The following ANKHD1 variants were observed in gnomAD, a reference collection of about 807,000 sequenced individuals.
ANKHD1 encodes the protein ankyrin repeat and KH domain containing 1, also known as ankyrin repeat and KH domain-containing protein 1.
In ANKHD1, 31 loss-of-function variants were observed where a neutral mutation model predicts 230.5. The observed-to-expected ratio is 0.13, with a 90% CI of 0.10 to 0.18. The LOEUF (loss-of-function observed/expected upper bound fraction) is 0.18. ANKHD1 is among the 10% of genes least tolerant of loss of function. The probability of loss-of-function intolerance (pLI) is 1.00; values close to 1 mark genes in which losing one functional copy is unlikely to be tolerated. For missense variants in ANKHD1, 2,256 were observed against 3,071.3 expected (o/e 0.73, Z 6.27); for synonymous variants, 1,074 against 1,117.6 (o/e 0.96, Z 0.78).
At chr5:140,463,736 A>T (rs1293446068) in intron 9 of ANKHD1, among the ~76,000 whole-genome samples, 1 of 151,756 alleles carries the variant, frequency 6.6e-6, no homozygotes, top group Non-Finnish European at 1.5e-5. Context: ...GCTCACTGTA[A>T]CCTCCGCCTA....
chr5:140,502,144 G>A (rs940285232), intron 15 of ANKHD1, among the ~76,000 whole-genome samples: 2 of 152,076 alleles, frequency 1.3e-5, no homozygotes, highest in African/African-American at 4.8e-5. Flanking sequence ...TCATTCAGAG[G>A]TAGGAAATAT....
In ANKHD1 at chr5:140,485,224, G is replaced by T; in HGVS notation, c.1974G>T (p.Gly658=). 1 of 1,613,620 alleles carries T rather than the reference G, an allele frequency of 6.2e-7. No individual in the cohort carries two copies. ...TTGTTGAGCTTCTCTTGGCTCATGG[G>T]GCTGACCCTACTCATCGACTCAAGG... ...LAVVELLLAH[G]ADPTHRLKDG... The change falls in exon 12 of 34, where the codon GGG becomes GGT. Residue 658 remains glycine, a synonymous_variant. Coordinates refer to ENST00000360839, the MANE Select transcript of ANKHD1 (RefSeq NM_017747.3). The surrounding 1 kb of genome is among the most constrained non-coding windows in gnomAD (Gnocchi z 4.8).
intron 1 of ANKHD1, among the ~76,000 whole-genome samples, chr5:140,429,470 A>G (rs957089524): frequency 3.9e-5 from 6 of 152,194 alleles, no homozygotes; most frequent in African/African-American, 1.4e-4. Flanking sequence ...CAAAATATAA[A>G]TTTATTTAAC....
At chr5:140,453,499 A>T (rs1032196223) in intron 7 of ANKHD1, among the ~76,000 whole-genome samples, 2 of 152,216 alleles carry the variant, frequency 1.3e-5, no homozygotes, top group African/African-American at 4.8e-5. Context: ...AACCCATCAG[A>T]CTAACAGCGG....
chr5:140,454,758 C>T (rs1775029777), intron 7 of ANKHD1, among the ~76,000 whole-genome samples: 1 of 152,110 alleles, frequency 6.6e-6, no homozygotes, highest in Non-Finnish European at 1.5e-5. Context: ...CAAGAGAAAA[C>T]AGGAAAGATC....
At chr5:140,418,587 T>G (rs1324890799) in intron 1 of ANKHD1, among the ~76,000 whole-genome samples, 2 of 152,224 alleles carry the variant, frequency 1.3e-5, no homozygotes, top group African/African-American at 4.8e-5. Context: ...TCATAATCAC[T>G]AATCCACTTT....
chr5:140,485,220 A>G lies in ANKHD1; in HGVS notation c.1970A>G (p.His657Arg). 6.2e-7 allele frequency: 1 copy of G among 1,613,866 alleles called. No homozygotes were observed. Among genetic ancestry groups the G allele is most frequent in the African/African-American group, 1.3e-5 (1 of 75,016 alleles). The change falls in exon 12 of 34, where the codon CAT (histidine) becomes CGT (arginine). Residue 657 changes from histidine to arginine, a missense_variant. Transcript: ENST00000360839. The surrounding 1 kb of genome is among the most constrained non-coding windows in gnomAD (Gnocchi z 4.8). ...GCAGTTGTTGAGCTTCTCTTGGCTC[A>G]TGGGGCTGACCCTACTCATCGACTC... Reference protein sequence around the residue: ...HLAVVELLLAHGADPTHRLKD... With the variant: ...HLAVVELLLARGADPTHRLKD...
At chr5:140,435,621 C>G (rs1293213996) in intron 1 of ANKHD1, among the ~76,000 whole-genome samples, 1 of 151,974 alleles carries the variant, frequency 6.6e-6, no homozygotes, top group African/African-American at 2.4e-5. Flanking sequence ...CCAGGTAATC[C>G]CCCTGCCTCA....
intron 14 of ANKHD1, among the ~76,000 whole-genome samples, chr5:140,494,488 T>A (rs1238685932): frequency 6.6e-6 from 1 of 152,126 alleles, no homozygotes; most frequent in Non-Finnish European, 1.5e-5. Context: ...TACTTTGCAA[T>A]TTAAGGAATA....
intron 20 of ANKHD1, 93 bp from the exon 21 acceptor site, chr5:140,509,542 CAG>C: frequency 7.3e-7 from 1 of 1,367,898 alleles, no homozygotes; most frequent in Non-Finnish European, 9.5e-7. Flanking sequence ...TTAATTGCCT[CAG>C]GTTTTTAAAG....
intron 10 of ANKHD1, among the ~76,000 whole-genome samples, chr5:140,470,881 C>G (rs960365647): frequency 6.6e-6 from 1 of 152,120 alleles, no homozygotes; most frequent in Non-Finnish European, 1.5e-5. Flanking sequence ...CCCACCTTAG[C>G]TTCCCAAGTT....
At chr5:140,445,257 G>A (rs1443135688) in intron 5 of ANKHD1, among the ~76,000 whole-genome samples, 1 of 151,992 alleles carries the variant, frequency 6.6e-6, no homozygotes, top group Non-Finnish European at 1.5e-5. Context: ...TGTAATCCCA[G>A]CACTTTGGGA....
In ANKHD1 at chr5:140,473,574, G is replaced by A. The variant is rs200099896; in HGVS notation, c.1782+8798G>A. On this transcript the variant is annotated intron_variant, in intron 10 of 33. Coordinates refer to ENST00000360839, the MANE Select transcript of ANKHD1 (RefSeq NM_017747.3). ...TCCTGCCTCAGCCTCCCCAGTAGCT[G>A]GGACTAGAGGCATGTGCCACCATGC... Among the ~76,000 whole-genome samples, 17 of 152,140 alleles carry A rather than the reference G, an allele frequency of 1.1e-4. No individual in the cohort carries two copies. The East Asian group carries it at 2.3e-3, about 21-fold the overall frequency.
At position 140,526,950 on chromosome 5, in the gene ANKHD1, A is replaced by G. The variant is rs1246762060; in HGVS notation, c.4963A>G (p.Asn1655Asp). 4 of 1,612,554 alleles carry G rather than the reference A, an allele frequency of 2.5e-6. No homozygotes were observed. The highest frequency in any genetic ancestry group is 2.7e-5 in the African/African-American group (2 of 74,868). The change falls in exon 27 of 34, where the codon AAT (asparagine) becomes GAT (aspartate). Residue 1655 changes from asparagine (N) to aspartate (D), a missense_variant. Asn to Asp is a conservative substitution (Grantham distance 23). Coordinates refer to ENST00000360839, the MANE Select transcript of ANKHD1 (RefSeq NM_017747.3). ...TAGACTTGAAGGTGAAGTGACTCCT[A>G]ATTCCTTGTCAACCAGCTACAAGAC... ...QTRLEGEVTP[N>D]SLSTSYKTVS...
intron 14 of ANKHD1, among the ~76,000 whole-genome samples, chr5:140,488,318 C>A (rs1278701195): frequency 6.6e-6 from 1 of 152,156 alleles, no homozygotes; most frequent in Non-Finnish European, 1.5e-5. Context: ...GGCATGGTGG[C>A]TCACGCCTGT....
intron 7 of ANKHD1, among the ~76,000 whole-genome samples, chr5:140,457,997 A>T (rs898454711): frequency 6.6e-6 from 1 of 152,068 alleles, no homozygotes; most frequent in South Asian, 2.1e-4. Flanking sequence ...CATGGTAAAA[A>T]TTTTTTACAA....
intron 24 of ANKHD1, among the ~76,000 whole-genome samples, chr5:140,521,099 T>C (rs1753330523): frequency 1.3e-5 from 2 of 152,106 alleles, no homozygotes; most frequent in Admixed American, 1.3e-4. Context: ...AATGTCATGA[T>C]CAAGTAGAGT....
Position 140,401,918 on chromosome 5 carries a change from G to A in ANKHD1, c.-50G>A. On this transcript the variant is annotated 5_prime_UTR_variant, in exon 1 of 34. Coordinates refer to ENST00000360839, the MANE Select transcript of ANKHD1 (RefSeq NM_017747.3). ...TCTTCTCGTTCCCGAGATCAGCGGC[G>A]GCGGTGACCGCGAGTGGGTCGGCAC... The A allele has an allele frequency of 6.6e-7, 1 of 1,524,270 alleles. No individual in the cohort carries two copies. Among genetic ancestry groups the A allele is most frequent in the Non-Finnish European group, 8.7e-7 (1 of 1,144,986 alleles). 94.4% of individuals were successfully genotyped at this position (1,524,270 alleles called of 1,614,324 possible). A position where few individuals can be genotyped will look rare whatever the true frequency, so the allele number is the denominator to read the frequency against.
chr5:140,510,923 A>G (rs978703112), intron 22 of ANKHD1, among the ~76,000 whole-genome samples: 23 of 151,530 alleles, frequency 1.5e-4, no homozygotes, highest in Admixed American at 1.1e-3. Flanking sequence ...CCCAGGCTCA[A>G]TTGATCCTCC....
Sources: gnomAD v4.1 joint callset for allele counts (sites outside exome capture counted in the v4.1 genomes callset) on GRCh38, gnomAD v4.1.1 for gene constraint, Gnocchi (gnomAD v3.1) non-coding constraint, MANE v1.5 for transcripts, NCBI Gene and HGNC (gene_info 2026-07-23, HGNC 2026-07-21) for gene names.